NSMF: variants seen among roughly 807,000 people sequenced by gnomAD.
NSMF encodes NMDA receptor synaptonuclear signaling and neuronal migration factor, also known as nasal embryonic LHRH factor.
In NSMF, 31 loss-of-function variants were observed where a neutral mutation model predicts 71.0. The ratio of observed to expected loss-of-function variants is 0.44; its 90% confidence interval spans 0.33 to 0.59. NSMF has a LOEUF of 0.59. NSMF is among the 20% of genes least tolerant of loss of function. NSMF has a pLI of 0.04. For synonymous variants in NSMF, 345 were observed against 287.1 expected (o/e 1.20, Z -2.04); for missense variants, 673 against 740.5 (o/e 0.91, Z 1.06).
In NSMF at chr9:137,454,384, G is replaced by A. The variant is rs1381186865; in HGVS notation, c.832+7C>T. ...CGCCCCCCCACCCCCGCCGCACGGG[G>A]TCTTACTCTGGGCCTTCACCCTCCG... On this transcript the variant is annotated splice_region_variant and intron_variant, in intron 7 of 15. Transcript: ENST00000371475. 6.5e-7 allele frequency: 1 copy of A among 1,549,910 alleles called. No homozygotes were observed. The highest frequency in any genetic ancestry group is 2.4e-5 in the East Asian group (1 of 40,920).
At chr9:137,452,856 C>T (rs1049950024) in intron 9 of NSMF, 37 bp from the exon 10 acceptor site, 3 of 1,574,638 alleles carry the variant, frequency 1.9e-6, no homozygotes, top group Admixed American at 3.7e-5. Context: ...GCCCCAGGCC[C>T]ATCCAAAAGC....
intron 4 of NSMF, 42 bp downstream of exon 4, chr9:137,456,369 G>T: frequency 2.0e-6 from 3 of 1,494,878 alleles, no homozygotes; most frequent in South Asian, 1.1e-5. Flanking sequence ...AGCAGAAAGA[G>T]ACCACCCAAC....
rs756718417 is a variant in NSMF at position 137,457,487 on chromosome 9, C to T, written c.548G>A (p.Gly183Glu). ...CTCAGGCAGAGGTGGCTGGTCCAGC[C>T]CAAAGGCCCGAGGGGTGGGGCCAGG... ...LAPGPTPRAF[G>E]LDQPPLPETS... Residue 183 changes from glycine to glutamate, a missense_variant, in exon 3 of 16, where the codon GGG becomes GAG. Transcript: ENST00000371475. 7 of 1,612,484 alleles carry T rather than the reference C, an allele frequency of 4.3e-6. No homozygotes were observed. The highest frequency in any genetic ancestry group is 5.9e-6 in the Non-Finnish European group (7 of 1,179,888).
At chr9:137,452,877 T>C in intron 9 of NSMF, 58 bp from the exon 10 acceptor site, 1 of 1,547,870 alleles carries the variant, frequency 6.5e-7, no homozygotes, top group Admixed American at 1.9e-5. Flanking sequence ...CAAGGGGCTG[T>C]GGGAGCCCCC....
chr9:137,450,105 G>T (rs774705305), intron 13 of NSMF, 71 bp downstream of exon 13: 6 of 1,583,910 alleles, frequency 3.8e-6, no homozygotes, highest in Non-Finnish European at 5.2e-6. Flanking sequence ...GAGGGGCTGT[G>T]GGGGAGGGAC....
chr9:137,458,425 G>A, intron 2 of NSMF, 63 bp downstream of exon 2: 1 of 1,409,954 alleles, frequency 7.1e-7, no homozygotes, highest in Admixed American at 2.0e-5. Flanking sequence ...CCCGGAGGCA[G>A]GGATCAGCAT....
rs748056793 is a variant in NSMF at position 137,452,869 on chromosome 9, A to G, written c.1048-50T>C. The G allele has an allele frequency of 2.6e-6, 4 of 1,564,698 alleles. No individual in the cohort carries two copies. In the East Asian group the frequency reaches 9.1e-5, roughly 36 times the overall value. ...GGGCCCCAGGCCCATCCAAAAGCCA[A>G]GGGGCTGTGGGAGCCCCCATGAGGC... On this transcript the variant is annotated intron_variant, in intron 9 of 15. Transcript: ENST00000371475.
In NSMF at chr9:137,449,431, T is replaced by G; in HGVS notation, c.1556A>C (p.Gln519Pro). 6.2e-7 allele frequency: 1 copy of G among 1,612,964 alleles called. No individual in the cohort carries two copies. The highest frequency in any genetic ancestry group is 8.5e-7 in the Non-Finnish European group (1 of 1,179,946). The change falls in exon 16 of 16, where the codon CAG (glutamine) becomes CCG (proline). Residue 519 changes from glutamine to proline, a missense_variant. Gln to Pro is a moderately conservative substitution (Grantham distance 76, BLOSUM62 -1). Coordinates refer to ENST00000371475, the MANE Select transcript of NSMF (RefSeq NM_001130969.3). ...GTCAAAGTCCAGCAGCTTCGAGTGC[T>G]GGCGGCTCTTCCACAGGCGATACAA... is the stretch of plus-strand genomic sequence containing the variant. Reference protein sequence around the residue: ...FRLYRLWKSRQHSKLLDFDDV... With the variant: ...FRLYRLWKSRPHSKLLDFDDV...
At position 137,452,423 on chromosome 9, in the gene NSMF, C is replaced by G; in HGVS notation, c.1178G>C (p.Arg393Thr). The G allele has an allele frequency of 6.2e-7, 1 of 1,612,686 alleles. No homozygotes were observed. The highest frequency in any genetic ancestry group is 1.3e-5 in the African/African-American group (1 of 74,962). ...TCCCTTGTGGTAGACGTTCAGCTTC[C>G]TCTCTATCTCCTCTGTGGGAGAGCG... ...TFEDILEEIE[R>T]KLNVYHKGAK... Residue 393 changes from arginine to threonine, a missense_variant, in exon 12 of 16, where the codon AGG becomes ACG. Coordinates refer to ENST00000371475, the MANE Select transcript of NSMF (RefSeq NM_001130969.3).
intron 5 of NSMF, 154 bp downstream of exon 5, chr9:137,455,475 G>T: frequency 1.7e-6 from 2 of 1,160,294 alleles, no homozygotes; most frequent in Non-Finnish European, 2.5e-6. Context: ...AGCAGGCCCT[G>T]CTGCGACCTC....
Position 137,453,263 on chromosome 9 carries a change from A to G in NSMF, c.923-83T>C. 3 of 1,590,594 alleles carry G rather than the reference A, an allele frequency of 1.9e-6. No homozygotes were observed. The highest frequency in any genetic ancestry group is 2.7e-5 in the African/African-American group (2 of 74,646). ...ATGGCCCCAAGGCCCACAGGGCCCG[A>G]AAGCCCCATCCCGGAGGGTCCTCCA... is the stretch of plus-strand genomic sequence containing the variant. On this transcript the variant is annotated intron_variant, in intron 8 of 15. Coordinates refer to ENST00000371475, the MANE Select transcript of NSMF (RefSeq NM_001130969.3). This position sits in a 1 kb window ranked among gnomAD's most constrained non-coding sequence, Gnocchi z 4.5.
intron 3 of NSMF, among the ~76,000 whole-genome samples, chr9:137,457,097 C>T (rs1189661721): frequency 1.3e-5 from 2 of 152,170 alleles, no homozygotes; most frequent in Non-Finnish European, 2.9e-5. Flanking sequence ...AGCGGTGCTT[C>T]CTCCCTACAT....
At chr9:137,450,387 C>G in intron 12 of NSMF, 132 bp from the exon 13 acceptor site, 1 of 716,060 alleles carries the variant, frequency 1.4e-6, no homozygotes, top group Admixed American at 2.0e-5. Context: ...TGATCTCCCC[C>G]ACCACACGTC....
Position 137,449,227 on chromosome 9 carries a change from G to A in NSMF, c.*167C>T, listed in dbSNP as rs1042304974. On this transcript the variant is annotated 3_prime_UTR_variant, in exon 16 of 16. Coordinates refer to ENST00000371475, the MANE Select transcript of NSMF (RefSeq NM_001130969.3). ...TGCAGCCTCTGCGGCCACGGGTGCA[G>A]CGAGGACCGGAACCCACAGGGGGAA... The A allele has an allele frequency of 1.5e-6, 1 of 653,184 alleles. No homozygotes were observed. 40.5% of individuals were successfully genotyped at this position (653,184 alleles called of 1,614,324 possible).
At position 137,449,477 on chromosome 9, in the gene NSMF, C is replaced by G; in HGVS notation, c.1510G>C (p.Glu504Gln). The change falls in exon 16 of 16, where the codon GAG (glutamate) becomes CAG (glutamine). Residue 504 changes from glutamate to glutamine, a missense_variant. Physicochemically the swap from Glu to Gln is conservative, Grantham distance 29 (BLOSUM62 2). Transcript: ENST00000371475. ...TACAACCGGAAGTCAAAGTACGTCTCGATCATCTGCTTCCCTGGGCGGAGC... is the reference window on the plus strand; with the variant it reads ...TACAACCGGAAGTCAAAGTACGTCTGGATCATCTGCTTCCCTGGGCGGAGC... ...ELSAQGKQMI[E>Q]TYFDFRLYRL... The G allele has an allele frequency of 6.2e-7, 1 of 1,612,898 alleles. No homozygotes were observed. The highest frequency in any genetic ancestry group is 8.5e-7 in the Non-Finnish European group (1 of 1,179,932).
At chr9:137,456,272 G>T in intron 4 of NSMF, 139 bp downstream of exon 4, 1 of 775,696 alleles carries the variant, frequency 1.3e-6, no homozygotes. Context: ...TCCCTGGCAG[G>T]CCTGGCACAG....
intron 7 of NSMF, 61 bp downstream of exon 7, chr9:137,454,330 G>A (rs1830720093): frequency 6.7e-7 from 1 of 1,481,924 alleles, no homozygotes; most frequent in Non-Finnish European, 9.2e-7. Context: ...CTAGCAGCAA[G>A]CAAAGCCCCA....
Position 137,455,256 on chromosome 9 carries a change from G to A in NSMF, c.762C>T (p.Ser254=), listed in dbSNP as rs754993835. 7.4e-6 allele frequency: 12 copies of A among 1,612,694 alleles called. No individual in the cohort carries two copies. Among genetic ancestry groups the A allele is most frequent in the Admixed American group, 3.3e-5 (2 of 60,016 alleles). Residue 254 remains serine (S), a synonymous_variant, in exon 6 of 16, where the codon TCC becomes TCT. Coordinates refer to ENST00000371475, the MANE Select transcript of NSMF (RefSeq NM_001130969.3). The part of the protein sequence containing the change: ...ERKRRKREND[S]ASVIQRNFRK... ...GGCCCTACCTCTGGATTACAGACGC[G>A]GAATCATTCTCCCGTTTCCGGCGCT...
In NSMF at chr9:137,457,446, T is replaced by G; in HGVS notation, c.589A>C (p.Lys197Gln). The change falls in exon 3 of 16, where the codon AAG (lysine) becomes CAG (glutamine). Residue 197 changes from lysine (K) to glutamine (Q), a missense_variant. Transcript: ENST00000371475. ...ACGCTGTACATCCTCTCCAGCTTCT[T>G]GCGGCGACCGGAGGTCTCAGGCAGA... ...PPLPETSGRR[K>Q]KLERMYSVDR... The G allele has an allele frequency of 1.2e-6, 2 of 1,612,790 alleles. No individual in the cohort carries two copies. Among genetic ancestry groups the G allele is most frequent in the Non-Finnish European group, 1.7e-6 (2 of 1,179,964 alleles).
Sources: allele counts gnomAD v4.1 joint callset (sites outside exome capture counted in the v4.1 genomes callset), GRCh38; gene constraint gnomAD v4.1.1; non-coding constraint Gnocchi (gnomAD v3.1); transcripts MANE v1.5; gene names NCBI Gene and HGNC (gene_info 2026-07-23, HGNC 2026-07-21).